The following RYR2 variants were observed in gnomAD, a reference collection of about 807,000 sequenced individuals.
RYR2 encodes the protein ryanodine receptor 2, also known as cardiac muscle ryanodine receptor-calcium release channel.
In RYR2, 227 loss-of-function variants were observed where a neutral mutation model predicts 601.1. The observed-to-expected ratio is 0.38, with a 90% CI of 0.34 to 0.42. The LOEUF is 0.42. Ranked by LOEUF, RYR2 falls within the 10% of genes least tolerant of loss-of-function variation. The pLI is 1.00. For synonymous variants in RYR2, 2,223 were observed against 2,175.1 expected (o/e 1.02, Z -0.61); for missense variants, 4,646 against 6,156.5 (o/e 0.75, Z 8.21).
intron 25 of RYR2, among the ~76,000 whole-genome samples, chr1:237,547,178 GTATTTTTAATAGAGAC>G: frequency 6.6e-6 from 1 of 151,290 alleles, no homozygotes; most frequent in African/African-American, 2.4e-5. Flanking sequence ...GCTAATCATT[GTATTTTTAATAGAGAC>G]TGGGTTTCAC....
chr1:237,340,812 C>A (rs1697704231), intron 3 of RYR2, among the ~76,000 whole-genome samples: 2 of 152,122 alleles, frequency 1.3e-5, no homozygotes, highest in Admixed American at 1.3e-4. Flanking sequence ...AAAATTGATG[C>A]AGTGATGTAA....
At chr1:237,636,266 G>A (rs1201475553) in intron 44 of RYR2, among the ~76,000 whole-genome samples, 1 of 152,092 alleles carries the variant, frequency 6.6e-6, no homozygotes, top group Non-Finnish European at 1.5e-5. Flanking sequence ...AGGGAGGTCA[G>A]AGTGGTTTTT....
chr1:237,668,036 C>A, intron 58 of RYR2, 78 bp downstream of exon 58: 2 of 1,087,198 alleles, frequency 1.8e-6, no homozygotes, highest in Non-Finnish European at 2.7e-6. Flanking sequence ...TCGTCTTCAG[C>A]ACAACAGCTT....
chr1:237,620,883 AT>A (rs1679002126), intron 38 of RYR2, among the ~76,000 whole-genome samples: 1 of 152,160 alleles, frequency 6.6e-6, no homozygotes, highest in South Asian at 2.1e-4. Context: ...AAAATCAGCT[AT>A]GACACGGAAA....
At position 237,390,974 on chromosome 1, in the gene RYR2, A is replaced by T. The variant is rs1050254431; in HGVS notation, c.773+2791A>T. On this transcript the variant is annotated intron_variant, in intron 10 of 104. Transcript: ENST00000366574. ...TGTCAGATTATGACTCGAGGGAGAA[A>T]ATGAGTCAGCAGTAGGCAGCATGGA... is the stretch of plus-strand genomic sequence containing the variant. 2.6e-5 allele frequency among the ~76,000 whole-genome samples: 4 copies of T among 152,158 alleles called. No individual in the cohort carries two copies. The East Asian group carries it at 5.8e-4, about 22-fold the overall frequency.
chr1:237,550,254 G>T (rs1372230830), intron 26 of RYR2, among the ~76,000 whole-genome samples: 1 of 152,164 alleles, frequency 6.6e-6, no homozygotes, highest in African/African-American at 2.4e-5. Context: ...TTTGTCCTTT[G>T]CCATGTGAAC....
chr1:237,694,247 T>C (rs1209625076), intron 63 of RYR2, among the ~76,000 whole-genome samples: 2 of 146,094 alleles, frequency 1.4e-5, no homozygotes, highest in East Asian at 4.1e-4. Context: ...TGAGCCGAGA[T>C]CATGCCAGTG....
chr1:237,279,001 T>G (rs896275251), intron 2 of RYR2, among the ~76,000 whole-genome samples: 2 of 152,198 alleles, frequency 1.3e-5, no homozygotes, highest in Non-Finnish European at 1.5e-5. Context: ...TCATAATTGG[T>G]GTTCAGTGGT....
intron 1 of RYR2, among the ~76,000 whole-genome samples, chr1:237,152,603 A>G (rs1322488603): frequency 1.3e-5 from 2 of 152,202 alleles, no homozygotes; most frequent in Admixed American, 6.5e-5. Flanking sequence ...TCTAATCATC[A>G]GTGATGTTGA....
intron 35 of RYR2, among the ~76,000 whole-genome samples, chr1:237,606,329 A>G (rs1677119074): frequency 6.6e-6 from 1 of 152,198 alleles, no homozygotes; most frequent in Non-Finnish European, 1.5e-5. Flanking sequence ...ACGATTCCCT[A>G]TTTAATAAAT....
At chr1:237,537,720 A>G (rs1668800489) in intron 25 of RYR2, among the ~76,000 whole-genome samples, 2 of 152,240 alleles carry the variant, frequency 1.3e-5, no homozygotes, top group Non-Finnish European at 2.9e-5. Context: ...AATACTCCTT[A>G]GAGCCAAAAA....
At chr1:237,457,388 C>T (rs1293286935) in intron 16 of RYR2, among the ~76,000 whole-genome samples, 1 of 152,072 alleles carries the variant, frequency 6.6e-6, no homozygotes, top group African/African-American at 2.4e-5. Context: ...TTTTTGACCT[C>T]CTGTAGCTTC....
At chr1:237,524,989 A>G (rs1667431041) in intron 24 of RYR2, among the ~76,000 whole-genome samples, 1 of 152,128 alleles carries the variant, frequency 6.6e-6, no homozygotes. Flanking sequence ...TGCTATGTAC[A>G]GAGATACATA....
chr1:237,414,413 G>A (rs1285923997), intron 10 of RYR2, among the ~76,000 whole-genome samples: 2 of 152,064 alleles, frequency 1.3e-5, no homozygotes, highest in East Asian at 1.9e-4. Context: ...CAGATTCTTG[G>A]GCCTCACCCT....
intron 8 of RYR2, among the ~76,000 whole-genome samples, chr1:237,379,206 T>C (rs183014619): frequency 2.0e-5 from 3 of 152,236 alleles, no homozygotes; most frequent in East Asian, 3.9e-4. Flanking sequence ...TTGACATAAC[T>C]ATGAATTTTT....
At chr1:237,593,391 G>A in intron 32 of RYR2, 85 bp from the exon 33 acceptor site, 1 of 1,358,638 alleles carries the variant, frequency 7.4e-7, no homozygotes, top group Non-Finnish European at 1.0e-6. Context: ...GTCATTCACA[G>A]ACTTAGACAC....
rs755095790 is a variant in RYR2, at chr1:237,595,673, T to C, written c.4596+16T>C. ...ATACTATCAGGTACGCGGTCAGTGATGATATCAGTCTTCTAGGGAGGAAGA... is the reference window on the plus strand; with the variant it reads ...ATACTATCAGGTACGCGGTCAGTGACGATATCAGTCTTCTAGGGAGGAAGA... On this transcript the variant is annotated intron_variant, in intron 34 of 104. Coordinates refer to ENST00000366574, the MANE Select transcript of RYR2 (RefSeq NM_001035.3). 5.6e-6 allele frequency: 9 copies of C among 1,594,330 alleles called. No homozygotes were observed. The East Asian group carries it at 2.0e-4, about 36-fold the overall frequency.
chr1:237,742,232 C>G (rs2149210871), intron 79 of RYR2, 64 bp from the exon 80 acceptor site: 1 of 1,082,950 alleles, frequency 9.2e-7, no homozygotes, highest in East Asian at 2.6e-5. Context: ...GTCTAATGTT[C>G]TTTTGCACTT....
chr1:237,484,381 G>T (rs1662452275), intron 17 of RYR2, among the ~76,000 whole-genome samples: 1 of 152,142 alleles, frequency 6.6e-6, no homozygotes. Flanking sequence ...GTGGGGCATG[G>T]TGGTTTCTAA....
Sources: allele counts gnomAD v4.1 joint callset (sites outside exome capture counted in the v4.1 genomes callset), GRCh38; gene constraint gnomAD v4.1.1; transcripts MANE v1.5; gene names NCBI Gene and HGNC (gene_info 2026-07-23, HGNC 2026-07-21).